ARB2A: variants seen among roughly 807,000 people sequenced by gnomAD.
ARB2A encodes ARB2 cotranscriptional regulator A, also known as cotranscriptional regulator ARB2A.
chr5:93,636,898 A>G, the ARB2A span, among the ~76,000 whole-genome samples: 2 of 152,098 alleles, frequency 1.3e-5, no homozygotes, highest in Non-Finnish European at 2.9e-5. Context: ...ATATGCAGTT[A>G]TAAGAAATAA....
At chr5:93,787,893 A>ATTTTATTTATTT in the ARB2A span, among the ~76,000 whole-genome samples, 3 of 152,226 alleles carry the variant, frequency 2.0e-5, no homozygotes, top group East Asian at 5.8e-4. Flanking sequence ...AAAATAAATA[A>ATTTTATTTATTT]TGTCTAGGGT....
chr5:94,090,166 GT>G, the ARB2A span, among the ~76,000 whole-genome samples: 1 of 152,170 alleles, frequency 6.6e-6, no homozygotes, highest in East Asian at 1.9e-4. Context: ...AGCATGGAAT[GT>G]TTTTCCATTT....
At chr5:93,728,751 G>C in the ARB2A span, among the ~76,000 whole-genome samples, 1 of 151,894 alleles carries the variant, frequency 6.6e-6, no homozygotes, top group African/African-American at 2.4e-5. Context: ...TAGGCTATTT[G>C]ACATAAGTCA....
At chr5:93,806,015 A>C in the ARB2A span, 1 of 868,430 alleles carries the variant, frequency 1.2e-6, no homozygotes, top group Non-Finnish European at 1.4e-6. Context: ...TAAGATATAT[A>C]TTCAGTCATT....
At chr5:93,759,571 G>T in the ARB2A span, among the ~76,000 whole-genome samples, 1 of 152,264 alleles carries the variant, frequency 6.6e-6, no homozygotes, top group Non-Finnish European at 1.5e-5. Flanking sequence ...TTTCATGCCA[G>T]GAATGCAGGG....
the ARB2A span, among the ~76,000 whole-genome samples, chr5:93,642,196 T>C: frequency 3.6e-5 from 5 of 139,120 alleles, no homozygotes; most frequent in African/African-American, 1.1e-4. Flanking sequence ...TTGCCTAGGC[T>C]TTTTTTTTTT....
the ARB2A span, among the ~76,000 whole-genome samples, chr5:93,705,651 G>GTGTGTGTGTATA: frequency 1.5e-5 from 2 of 132,872 alleles, no homozygotes; most frequent in African/African-American, 5.7e-5. Flanking sequence ...GTGTGTGTGT[G>GTGTGTGTGTATA]TATATATATA....
chr5:94,047,369 G>A, the ARB2A span, among the ~76,000 whole-genome samples: 2 of 152,032 alleles, frequency 1.3e-5, no homozygotes, highest in Non-Finnish European at 2.9e-5. Context: ...GTGCATGCCT[G>A]TAATCCCAGC....
At chr5:93,964,153 T>C in the ARB2A span, among the ~76,000 whole-genome samples, 1 of 152,020 alleles carries the variant, frequency 6.6e-6, no homozygotes, top group Non-Finnish European at 1.5e-5. Context: ...TAAAAATAAA[T>C]TATTCCAGTG....
At chr5:94,051,025 T>C in the ARB2A span, among the ~76,000 whole-genome samples, 122 of 152,334 alleles carry the variant, frequency 8.0e-4, no homozygotes, top group African/African-American at 2.4e-3. Flanking sequence ...GGTCCCCAAC[T>C]ACTCAAAAGT....
the ARB2A span, among the ~76,000 whole-genome samples, chr5:93,778,756 T>C: frequency 2.6e-5 from 4 of 152,330 alleles, no homozygotes; most frequent in South Asian, 2.1e-4. Context: ...CTATGTCTTA[T>C]AGGATTTTCT....
chr5:93,817,711 GAAGA>G, the ARB2A span, among the ~76,000 whole-genome samples: 1 of 152,128 alleles, frequency 6.6e-6, no homozygotes, highest in African/African-American at 2.4e-5. Flanking sequence ...ACAAATCAGA[GAAGA>G]AAGAAGAGTA....
chr5:93,783,008 TAC>T, the ARB2A span, among the ~76,000 whole-genome samples: 1 of 152,140 alleles, frequency 6.6e-6, no homozygotes, highest in African/African-American at 2.4e-5. Context: ...AGATGGAAGC[TAC>T]ACAGATTAAT....
At chr5:93,770,980 G>C in the ARB2A span, among the ~76,000 whole-genome samples, 3 of 152,032 alleles carry the variant, frequency 2.0e-5, no homozygotes, top group Admixed American at 1.3e-4. Flanking sequence ...AACCAAAAAA[G>C]AGCCCACATC....
chr5:93,798,072 G>A, the ARB2A span, among the ~76,000 whole-genome samples: 32 of 152,080 alleles, frequency 2.1e-4, no homozygotes, highest in Non-Finnish European at 2.9e-5. Flanking sequence ...TATAATAAAA[G>A]GAGATACTAC....
At chr5:93,774,960 A>G in the ARB2A span, among the ~76,000 whole-genome samples, 2 of 152,210 alleles carry the variant, frequency 1.3e-5, no homozygotes, top group East Asian at 1.9e-4. Context: ...TTCACATTAT[A>G]TAACTAGCAT....
At chr5:94,042,301 A>G in the ARB2A span, among the ~76,000 whole-genome samples, 1 of 151,294 alleles carries the variant, frequency 6.6e-6, no homozygotes, top group Non-Finnish European at 1.5e-5. Context: ...TCTGCTGTTT[A>G]ACAAAAGATC....
the ARB2A span, chr5:93,619,797 A>G: frequency 6.6e-6 from 1 of 152,194 alleles, no homozygotes; most frequent in Non-Finnish European, 1.5e-5. Context: ...GTAGGGCTAA[A>G]CCCTACAGAG....
the ARB2A span, among the ~76,000 whole-genome samples, chr5:94,023,933 T>C: frequency 6.6e-6 from 1 of 152,144 alleles, no homozygotes; most frequent in Non-Finnish European, 1.5e-5. Flanking sequence ...TAGAAAGCTA[T>C]AAGACAAGAT....
Sources: allele counts gnomAD v4.1 joint callset (sites outside exome capture counted in the v4.1 genomes callset), GRCh38; gene constraint gnomAD v4.1.1; transcripts MANE v1.5; gene names NCBI Gene and HGNC (gene_info 2026-07-23, HGNC 2026-07-21).